Variants in DMD observed in about 807,000 individuals in gnomAD.
The protein encoded by DMD is dystrophin, also known as mutant dystrophin.
In DMD, 63 loss-of-function variants were observed where a neutral mutation model predicts 330.1. The ratio of observed to expected loss-of-function variants is 0.19; its 90% CI spans 0.16 to 0.24. The LOEUF is 0.24. Among genes scored for constraint, DMD ranks in the 10% least tolerant of loss-of-function variants. DMD has a pLI of 1.00. For missense variants in DMD, 3,344 were observed against 2,684.1 expected (o/e 1.25, Z -5.43); for synonymous variants, 1,223 against 959.8 (o/e 1.27, Z -5.07).
chrX:31,513,946 G>A (rs2071919971), intron 55 of DMD, among the ~76,000 whole-genome samples: 2 of 111,995 alleles, frequency 1.8e-5, no homozygotes, highest in Admixed American at 9.5e-5. Context: ...TTAGAACCTC[G>A]TCAGTCAGAC....
intron 5 of DMD, among the ~76,000 whole-genome samples, chrX:32,819,657 G>C (rs776432864): frequency 4.0e-4 from 44 of 110,694 alleles, no homozygotes; most frequent in Non-Finnish European, 6.8e-4. Context: ...TCAATGAGAA[G>C]TCCTCCATGG....
chrX:32,726,538 T>A (rs992703200), intron 7 of DMD, among the ~76,000 whole-genome samples: 1 of 111,383 alleles, frequency 9.0e-6, no homozygotes, highest in Non-Finnish European at 1.9e-5. Context: ...AAAGGGTAGC[T>A]TTTACTCTTT....
At chrX:32,832,989 A>G (rs777227212) in intron 4 of DMD, among the ~76,000 whole-genome samples, 1 of 111,513 alleles carries the variant, frequency 9.0e-6, no homozygotes, top group Admixed American at 9.6e-5. Flanking sequence ...ATATTACAAG[A>G]TTTAATTCTG....
intron 59 of DMD, among the ~76,000 whole-genome samples, chrX:31,453,516 T>A (rs1041400951): frequency 3.6e-5 from 4 of 109,972 alleles, no homozygotes; most frequent in African/African-American, 1.0e-4. Context: ...AGAAGAGTTC[T>A]GGAGATGGAT....
chrX:31,209,722 C>G (rs1189881035), intron 64 of DMD, 23 bp from the exon 65 acceptor site: 1 of 1,187,438 alleles, frequency 8.4e-7, no homozygotes, highest in Non-Finnish European at 1.1e-6. Flanking sequence ...AATAAAATCA[C>G]AAATGACTCA....
chrX:32,564,305 ACTTT>A (rs1204147018), intron 16 of DMD, among the ~76,000 whole-genome samples: 15 of 111,967 alleles, frequency 1.3e-4, no homozygotes, highest in African/African-American at 3.9e-4. Context: ...CGTCAAAATA[ACTTT>A]CTTTATCAAA....
At chrX:31,554,772 A>C (rs72625592) in intron 55 of DMD, among the ~76,000 whole-genome samples, 2,364 of 111,723 alleles carry the variant, frequency 0.021, 27 homozygotes, top group East Asian at 0.037. Context: ...AAGTACAAAA[A>C]AGTACAAAAA....
chrX:32,714,029 G>A (rs774779907), intron 7 of DMD, among the ~76,000 whole-genome samples: 2 of 111,874 alleles, frequency 1.8e-5, no homozygotes, highest in Non-Finnish European at 3.8e-5. Context: ...GAGCACAGTA[G>A]TGACAGTGAA....
intron 1 of DMD, among the ~76,000 whole-genome samples, chrX:33,152,164 T>TATG (rs2048308220): frequency 1.1e-4 from 1 of 8,992 alleles, no homozygotes; most frequent in South Asian, 4.9e-3. Context: ...GCTTTACTAT[T>TATG]ATTATTATTA....
chrX:31,219,491 C>CA (rs780386474), intron 64 of DMD, among the ~76,000 whole-genome samples: 28 of 110,992 alleles, frequency 2.5e-4, no homozygotes, highest in Non-Finnish European at 4.5e-4. Context: ...CCACTCCATA[C>CA]AAAAAATGGA....
chrX:32,320,883 G>T (rs1449907788), intron 41 of DMD, among the ~76,000 whole-genome samples: 2 of 111,196 alleles, frequency 1.8e-5, no homozygotes, highest in Non-Finnish European at 3.8e-5. Context: ...TTTCACAAAG[G>T]TAATTTAGAC....
intron 60 of DMD, among the ~76,000 whole-genome samples, chrX:31,403,271 T>C (rs904960889): frequency 6.3e-5 from 7 of 111,935 alleles, no homozygotes; most frequent in South Asian, 7.5e-4. Context: ...GTGCCAACAC[T>C]GAACTTGACA....
intron 49 of DMD, among the ~76,000 whole-genome samples, chrX:31,835,097 T>A (rs750659008): frequency 8.9e-6 from 1 of 112,007 alleles, no homozygotes; most frequent in African/African-American, 3.2e-5. Context: ...GTGCGATAAG[T>A]TAGCATCAAG....
intron 7 of DMD, among the ~76,000 whole-genome samples, chrX:32,776,466 C>T (rs2074159599): frequency 9.0e-6 from 1 of 110,950 alleles, no homozygotes; most frequent in Admixed American, 9.5e-5. Context: ...TTAATAGACT[C>T]ACAGTTCTAC....
chrX:33,245,023 G>C (rs1251199394), intron 1 of DMD, among the ~76,000 whole-genome samples: 2 of 111,290 alleles, frequency 1.8e-5, no homozygotes, highest in African/African-American at 6.5e-5. Flanking sequence ...ACTTAAAAAA[G>C]CACATCATTT....
intron 1 of DMD, among the ~76,000 whole-genome samples, chrX:33,264,635 GT>G (rs768048418): frequency 4.5e-3 from 496 of 110,780 alleles, no homozygotes; most frequent in African/African-American, 0.016. Context: ...AAACTGAGGG[GT>G]CTCCACTCTT....
chrX:32,295,773 T>G (rs992953705), intron 42 of DMD, among the ~76,000 whole-genome samples: 6 of 112,006 alleles, frequency 5.4e-5, no homozygotes, highest in African/African-American at 1.9e-4. Flanking sequence ...CCATTCTTTA[T>G]CATAAGGGAT....
rs1339720510 is a variant in DMD, at chrX:32,902,579, T to C, written c.94-52759A>G. Among the ~76,000 whole-genome samples, 2 of 110,379 alleles carry C rather than the reference T, an allele frequency of 1.8e-5. 1 individual carries two copies. The highest frequency in any genetic ancestry group is 6.7e-5 in the African/African-American group (2 of 29,737). ...ATTTGAACTCTTATAAAGCATTCAG[T>C]TCAATATAACTCATTAAATGGCCCT... On this transcript the variant is annotated intron_variant, in intron 2 of 78. Transcript: ENST00000357033.
intron 7 of DMD, among the ~76,000 whole-genome samples, chrX:32,805,921 C>A (rs181417006): frequency 8.9e-6 from 1 of 111,946 alleles, no homozygotes; most frequent in African/African-American, 3.3e-5. Flanking sequence ...CTTACAAGAG[C>A]TCCTTCAGGA....
Sources: gnomAD v4.1 joint callset for allele counts (sites outside exome capture counted in the v4.1 genomes callset) on GRCh38, gnomAD v4.1.1 for gene constraint, MANE v1.5 for transcripts, NCBI Gene and HGNC (gene_info 2026-07-23, HGNC 2026-07-21) for gene names.